Variants in AGBL4 observed in about 807,000 individuals in gnomAD.
AGBL4 encodes AGBL carboxypeptidase 4.
In AGBL4, 58 loss-of-function variants were observed where a neutral mutation model predicts 66.4. The ratio of observed to expected loss-of-function variants is 0.87; its 90% CI spans 0.71 to 1.09. The LOEUF (loss-of-function observed/expected upper bound fraction) is 1.09, where lower values mean the gene tolerates loss of function less well. Ranked by LOEUF, AGBL4 falls within the 50% of genes least tolerant of loss-of-function variation. AGBL4 has a pLI of 0.00. For missense variants in AGBL4, 579 were observed against 631.0 expected, an observed-to-expected ratio of 0.92 and a Z score of 0.88; for synonymous variants, 234 against 222.9, an observed-to-expected ratio of 1.05 and a Z score of -0.44.
At chr1:48,721,195 TC>T (rs1020576600) in intron 6 of AGBL4, among the ~76,000 whole-genome samples, 2 of 152,086 alleles carry the variant, frequency 1.3e-5, no homozygotes, top group East Asian at 3.9e-4. Flanking sequence ...GTCACTCTTT[TC>T]CCAGAGGTGG....
intron 2 of AGBL4, among the ~76,000 whole-genome samples, chr1:49,835,393 C>T (rs960951285): frequency 6.6e-6 from 1 of 152,100 alleles, no homozygotes; most frequent in African/African-American, 2.4e-5. Flanking sequence ...GGGATTGCAA[C>T]CCCTGCTTTT....
chr1:49,091,394 C>A (rs1645001388), intron 4 of AGBL4, among the ~76,000 whole-genome samples: 1 of 151,830 alleles, frequency 6.6e-6, no homozygotes, highest in Non-Finnish European at 1.5e-5. Context: ...CAAAAAACAA[C>A]CATATTGAAA....
At chr1:48,679,123 C>T (rs999846670) in intron 6 of AGBL4, among the ~76,000 whole-genome samples, 3 of 152,200 alleles carry the variant, frequency 2.0e-5, no homozygotes, top group Non-Finnish European at 4.4e-5. Context: ...CCCCCTGGCT[C>T]AGCCTGAAGG....
intron 2 of AGBL4, among the ~76,000 whole-genome samples, chr1:49,730,278 C>G (rs1453922815): frequency 6.6e-6 from 1 of 152,130 alleles, no homozygotes; most frequent in Admixed American, 6.5e-5. Flanking sequence ...AACCCAGAAC[C>G]CACCAAAGAG....
chr1:49,590,957 CA>C (rs1644740328), intron 3 of AGBL4, among the ~76,000 whole-genome samples: 1 of 151,716 alleles, frequency 6.6e-6, no homozygotes, highest in Non-Finnish European at 1.5e-5. Context: ...AATATGTTAG[CA>C]GAATAAAAAT....
intron 1 of AGBL4, among the ~76,000 whole-genome samples, chr1:50,000,356 G>A (rs1660658885): frequency 6.6e-6 from 1 of 151,956 alleles, no homozygotes; most frequent in African/African-American, 2.4e-5. Flanking sequence ...AATGCAAATC[G>A]AAACCACAAT....
At chr1:49,718,361 C>T (rs895266038) in intron 2 of AGBL4, among the ~76,000 whole-genome samples, 5 of 152,028 alleles carry the variant, frequency 3.3e-5, no homozygotes, top group African/African-American at 1.2e-4. Flanking sequence ...CTGCAGAAAC[C>T]CTCACCAGAA....
chr1:49,479,082 A>T lies in AGBL4; in HGVS notation c.282+218231T>A, dbSNP rs185028230. ...GCAAGAAAAAAGGAAAAAAGAGAAG[A>T]CCTCAAAACAACCAGAAAAGAAATA... On this transcript the variant is annotated intron_variant, in intron 3 of 13. Coordinates refer to ENST00000371839, the MANE Select transcript of AGBL4 (RefSeq NM_032785.4). 1.6e-3 allele frequency among the ~76,000 whole-genome samples: 239 copies of T among 152,104 alleles called. 2 individuals carry two copies. The highest frequency in any genetic ancestry group is 4.9e-3 in the African/African-American group (203 of 41,532).
chr1:49,117,677 T>G (rs1000138100), intron 4 of AGBL4, among the ~76,000 whole-genome samples: 1 of 152,194 alleles, frequency 6.6e-6, no homozygotes, highest in South Asian at 2.1e-4. Context: ...TTGTTCTTTT[T>G]GCTTAGGATT....
At chr1:48,683,386 G>A (rs1450241628) in intron 6 of AGBL4, among the ~76,000 whole-genome samples, 1 of 152,184 alleles carries the variant, frequency 6.6e-6, no homozygotes, top group Non-Finnish European at 1.5e-5. Context: ...CCTTGGCATT[G>A]GCCTTCCTCA....
At chr1:49,310,344 T>A (rs1326278962) in intron 3 of AGBL4, among the ~76,000 whole-genome samples, 2 of 152,082 alleles carry the variant, frequency 1.3e-5, no homozygotes, top group Non-Finnish European at 2.9e-5. Flanking sequence ...TAGCAATAGA[T>A]TATCAGGAAG....
At chr1:49,164,010 C>A (rs980353572) in intron 4 of AGBL4, among the ~76,000 whole-genome samples, 1 of 152,038 alleles carries the variant, frequency 6.6e-6, no homozygotes, top group Non-Finnish European at 1.5e-5. Flanking sequence ...GAGGTTAGAA[C>A]CATTTTGAAG....
At chr1:49,625,233 T>C (rs906728672) in intron 3 of AGBL4, among the ~76,000 whole-genome samples, 4 of 152,192 alleles carry the variant, frequency 2.6e-5, no homozygotes, top group Admixed American at 2.0e-4. Context: ...ATGTATATCT[T>C]AGCTTAAATT....
At chr1:48,758,627 G>A (rs759126573) in intron 6 of AGBL4, among the ~76,000 whole-genome samples, 8 of 152,208 alleles carry the variant, frequency 5.3e-5, no homozygotes, top group Non-Finnish European at 8.8e-5. Flanking sequence ...GAATGCATAA[G>A]GGACTGAGCA....
intron 6 of AGBL4, among the ~76,000 whole-genome samples, chr1:48,833,202 T>G (rs1010637499): frequency 3.3e-5 from 5 of 152,286 alleles, no homozygotes; most frequent in South Asian, 4.1e-4. Context: ...TGGAAGAGTT[T>G]TGAGGTGCAA....
rs566868150 is a variant in AGBL4, at chr1:49,670,294, A to G, written c.282+27019T>C. ...GCCAATGTGGTGCTAACCAAAAAAC[A>G]AAACAAAATGAAACAAAAAAACAGC... is the stretch of plus-strand genomic sequence containing the variant. On this transcript the variant is annotated intron_variant, in intron 3 of 13. Coordinates refer to ENST00000371839, the MANE Select transcript of AGBL4 (RefSeq NM_032785.4). Among the ~76,000 whole-genome samples, 203 of 152,284 alleles carry G rather than the reference A, an allele frequency of 1.3e-3. 1 individual carries two copies. The highest frequency in any genetic ancestry group is 0.011 in the South Asian group (54 of 4,834).
intron 1 of AGBL4, among the ~76,000 whole-genome samples, chr1:49,948,666 A>C (rs941412250): frequency 5.4e-5 from 8 of 149,318 alleles, no homozygotes; most frequent in African/African-American, 2.0e-4. Flanking sequence ...AAAACTACAA[A>C]ACACTGCTGA....
chr1:49,124,174 C>T (rs911144031), intron 4 of AGBL4, among the ~76,000 whole-genome samples: 7 of 152,034 alleles, frequency 4.6e-5, no homozygotes, highest in South Asian at 2.1e-4. Context: ...AAACAAAATA[C>T]ATATATAAAT....
At chr1:49,228,320 C>G (rs940931232) in intron 4 of AGBL4, among the ~76,000 whole-genome samples, 1 of 152,018 alleles carries the variant, frequency 6.6e-6, no homozygotes, top group African/African-American at 2.4e-5. Flanking sequence ...AGAAGACAGG[C>G]AATAAACAAC....
Sources: gnomAD v4.1 joint callset for allele counts (sites outside exome capture counted in the v4.1 genomes callset) on GRCh38, gnomAD v4.1.1 for gene constraint, MANE v1.5 for transcripts, NCBI Gene and HGNC (gene_info 2026-07-23, HGNC 2026-07-21) for gene names.